SESN3: variants seen among roughly 807,000 people sequenced by gnomAD.
SESN3 encodes the protein sestrin-3.
Under a neutral mutation model 55.3 loss-of-function variants are expected in SESN3, and 21 were observed. The observed-to-expected ratio is 0.38, with a 90% confidence interval of 0.27 to 0.55. The LOEUF (loss-of-function observed/expected upper bound fraction) is 0.55. SESN3 is among the 20% of genes least tolerant of loss of function. SESN3 has a pLI of 0.76. For missense variants in SESN3, 408 were observed against 604.3 expected, an observed-to-expected ratio of 0.68 and a Z score of 3.41; for synonymous variants, 181 against 203.1, an observed-to-expected ratio of 0.89 and a Z score of 0.93.
chr11:95,181,113 T>C (rs1002950638), intron 6 of SESN3, among the ~76,000 whole-genome samples: 1 of 152,116 alleles, frequency 6.6e-6, no homozygotes, highest in East Asian at 1.9e-4. Flanking sequence ...AGATGTGATT[T>C]TTCCTTTGAC....
chr11:95,199,139 AC>A, intron 1 of SESN3, among the ~76,000 whole-genome samples: 1 of 152,242 alleles, frequency 6.6e-6, no homozygotes, highest in East Asian at 1.9e-4. Context: ...ATGTAAAAGT[AC>A]TTAAGAAATT....
chr11:95,179,636 G>A (rs1021040587), intron 6 of SESN3, among the ~76,000 whole-genome samples: 2 of 152,106 alleles, frequency 1.3e-5, no homozygotes, highest in African/African-American at 4.8e-5. Context: ...AGATCAGAAA[G>A]GACACTCAGT....
At chr11:95,181,053 A>C (rs930070706) in intron 6 of SESN3, among the ~76,000 whole-genome samples, 2 of 152,142 alleles carry the variant, frequency 1.3e-5, no homozygotes, top group Non-Finnish European at 2.9e-5. Context: ...AAGTAAAATA[A>C]AGCCAAAAAC....
At chr11:95,216,935 G>C (rs1449735945) in intron 1 of SESN3, among the ~76,000 whole-genome samples, 1 of 151,566 alleles carries the variant, frequency 6.6e-6, no homozygotes, top group South Asian at 2.1e-4. Flanking sequence ...GTGAAACCCT[G>C]TCTCTACTAA....
At chr11:95,222,251 G>C (rs1860871112) in intron 1 of SESN3, among the ~76,000 whole-genome samples, 1 of 152,062 alleles carries the variant, frequency 6.6e-6, no homozygotes, top group Non-Finnish European at 1.5e-5. Context: ...GGACATTCTT[G>C]CTCCCTATTA....
intron 9 of SESN3, among the ~76,000 whole-genome samples, chr11:95,174,635 A>T (rs1859920501): frequency 1.3e-5 from 2 of 151,924 alleles, no homozygotes; most frequent in South Asian, 4.2e-4. Flanking sequence ...AGGCATGCAC[A>T]ACCATGCCCA....
intron 1 of SESN3, chr11:95,204,811 T>C (rs1390159158): frequency 6.6e-6 from 1 of 152,210 alleles, no homozygotes; most frequent in Non-Finnish European, 1.5e-5. Context: ...TATAGCAGCC[T>C]GCATGGACTA....
At position 95,172,486 on chromosome 11, in the gene SESN3, A is replaced by G. The variant is rs1324876277; in HGVS notation, c.*769T>C. On this transcript the variant is annotated 3_prime_UTR_variant, in exon 10 of 10. Coordinates refer to ENST00000536441, the MANE Select transcript of SESN3 (RefSeq NM_144665.4). ...ACTGTCAGTGATAGGATTGTGTTAT[A>G]ATTCCACTTATATACATCTGATATG... 1.3e-5 allele frequency: 2 copies of G among 152,168 alleles called. No homozygotes were observed. The highest frequency in any genetic ancestry group is 6.5e-5 in the Admixed American group (1 of 15,276). 9.4% of individuals were successfully genotyped at this position (152,168 alleles called of 1,614,324 possible).
intron 1 of SESN3, among the ~76,000 whole-genome samples, chr11:95,215,587 A>C (rs1301888155): frequency 6.6e-6 from 1 of 152,180 alleles, no homozygotes; most frequent in Non-Finnish European, 1.5e-5. Flanking sequence ...GAAAGTAAAT[A>C]CCTGACATGT....
intron 1 of SESN3, chr11:95,203,722 A>C (rs1860498003): frequency 6.6e-6 from 1 of 152,216 alleles, no homozygotes; most frequent in Admixed American, 6.5e-5. Context: ...AACCATTCTT[A>C]TGCTCATTTA....
intron 1 of SESN3, among the ~76,000 whole-genome samples, chr11:95,208,200 T>C (rs1860585898): frequency 6.6e-6 from 1 of 151,496 alleles, no homozygotes; most frequent in Non-Finnish European, 1.5e-5. Context: ...AATCTAGTAG[T>C]ATGAATAACT....
chr11:95,225,859 A>G (rs1057458890), intron 1 of SESN3, among the ~76,000 whole-genome samples: 3 of 152,170 alleles, frequency 2.0e-5, no homozygotes, highest in Non-Finnish European at 4.4e-5. Flanking sequence ...TTTATTAAGC[A>G]CAATTTTCCT....
At chr11:95,174,264 T>G (rs1289880894) in intron 9 of SESN3, among the ~76,000 whole-genome samples, 1 of 152,222 alleles carries the variant, frequency 6.6e-6, no homozygotes, top group Non-Finnish European at 1.5e-5. Context: ...GAAACTGTTG[T>G]ATAAAGGAGA....
In SESN3 at chr11:95,184,476, T is replaced by C; in HGVS notation, c.881A>G (p.Lys294Arg). 3.1e-6 allele frequency: 5 copies of C among 1,613,702 alleles called. No individual in the cohort carries two copies. The highest frequency in any genetic ancestry group is 4.2e-6 in the Non-Finnish European group (5 of 1,179,802). Reference sequence around the variant, plus strand: ...AGAGACCACAAAAAGACTTTCTTTCTTCTCCTTTTCAAAACGAGTGCTCAT... The same window carrying C: ...AGAGACCACAAAAAGACTTTCTTTCCTCTCCTTTTCAAAACGAGTGCTCAT... Reference protein sequence around the residue: ...EEMSTRFEKEKKESLFVVSGD... With the variant: ...EEMSTRFEKERKESLFVVSGD... The change falls in exon 6 of 10, where the codon AAG becomes AGG. Residue 294 changes from lysine (K) to arginine (R), a missense_variant. Lys to Arg is a conservative substitution (Grantham distance 26, BLOSUM62 2). This residue lies in a region of SESN3 where 119 missense variants were observed against 139.9 expected (regional missense o/e 0.85). Coordinates refer to ENST00000536441, the MANE Select transcript of SESN3 (RefSeq NM_144665.4).
At chr11:95,211,353 T>G (rs1860651710) in intron 1 of SESN3, among the ~76,000 whole-genome samples, 2 of 152,200 alleles carry the variant, frequency 1.3e-5, no homozygotes, top group South Asian at 4.1e-4. Context: ...GTATTATACG[T>G]TCAGCCACCC....
chr11:95,222,618 A>G (rs1860877912), intron 1 of SESN3, among the ~76,000 whole-genome samples: 1 of 152,220 alleles, frequency 6.6e-6, no homozygotes, highest in Non-Finnish European at 1.5e-5. Context: ...ATAAGAGGCA[A>G]CCTAGTAGGA....
chr11:95,172,047 C>A lies in SESN3; in HGVS notation c.*1208G>T, dbSNP rs891736951. The A allele has an allele frequency of 1.3e-5, 2 of 151,976 alleles. No homozygotes were observed. The highest frequency in any genetic ancestry group is 1.5e-5 in the Non-Finnish European group (1 of 67,966). The allele number at this position is 151,976 out of a possible 1,614,324, so 9.4% of individuals were successfully genotyped here. ...CCCAGAAAGGTAAAACTGAAAAAAG[C>A]CTGTGCAATAAAGAAATTTGAAAAA... On this transcript the variant is annotated 3_prime_UTR_variant, in exon 10 of 10. Transcript: ENST00000536441.
At chr11:95,231,227 C>G (rs1348440014), upstream of SESN3, 1 of 405,596 alleles carries the variant, frequency 2.5e-6, no homozygotes, top group Non-Finnish European at 4.3e-6. Flanking sequence ...CGCCCCACCA[C>G]CTTCACCACC....
In SESN3 at chr11:95,222,364, A is replaced by G. The variant is rs145858826; in HGVS notation, c.78+8419T>C. On this transcript the variant is annotated intron_variant, in intron 1 of 9. Coordinates refer to ENST00000536441, the MANE Select transcript of SESN3 (RefSeq NM_144665.4). The stretch of plus-strand genomic sequence containing the variant: ...AACAAAGAAACAAAGAAGTCCAGGC[A>G]CAAATGCATTATAAGATTATTTTCT... Among the ~76,000 whole-genome samples, 69 of 152,374 alleles carry G rather than the reference A, an allele frequency of 4.5e-4. 1 individual carries two copies. Among genetic ancestry groups the G allele is most frequent in the African/African-American group, 1.3e-3 (56 of 41,594 alleles).
Sources: gnomAD v4.1 joint callset for allele counts (sites outside exome capture counted in the v4.1 genomes callset) on GRCh38, gnomAD v4.1.1 for gene constraint, gnomAD v4.1.1 regional missense constraint, MANE v1.5 for transcripts, NCBI Gene and HGNC (gene_info 2026-07-23, HGNC 2026-07-21) for gene names.